Variants in DCX observed in about 807,000 individuals in gnomAD.
The protein encoded by DCX is doublecortin.
Under a neutral mutation model 20.9 loss-of-function variants are expected in DCX, and 4 were observed. That is an observed-to-expected ratio of 0.19 (90% CI 0.09 to 0.44). DCX has a LOEUF of 0.44. DCX is among the 20% of genes least tolerant of loss of function. The pLI is 0.99. For synonymous variants in DCX, 103 were observed against 111.4 expected, an observed-to-expected ratio of 0.92 and a Z score of 0.47; for missense variants, 133 against 296.9, an observed-to-expected ratio of 0.45 and a Z score of 4.06.
chrX:111,403,531 T>C (rs781363902), intron 2 of DCX, among the ~76,000 whole-genome samples: 4 of 111,011 alleles, frequency 3.6e-5, no homozygotes, highest in African/African-American at 1.3e-4. Flanking sequence ...CACCTTCCAG[T>C]GGTACATTTT....
chrX:111,393,352 C>A (rs189357711), intron 3 of DCX, among the ~76,000 whole-genome samples: 1 of 111,634 alleles, frequency 9.0e-6, no homozygotes, highest in African/African-American at 3.2e-5. Flanking sequence ...AGATTTAAAT[C>A]TAAGAGCTAA....
At chrX:111,379,780 T>C (rs1330441718) in intron 3 of DCX, among the ~76,000 whole-genome samples, 2 of 111,996 alleles carry the variant, frequency 1.8e-5, no homozygotes, top group East Asian at 5.6e-4. Context: ...ACAGACTGCT[T>C]CCAAAGTGGC....
At chrX:111,340,883 T>C (rs775685883) in intron 3 of DCX, among the ~76,000 whole-genome samples, 28 of 110,490 alleles carry the variant, frequency 2.5e-4, no homozygotes, top group Non-Finnish European at 4.5e-4. Flanking sequence ...CATGTAAAGG[T>C]CAGCAGCCTC....
At chrX:111,370,043 T>G (rs1048929881) in intron 3 of DCX, among the ~76,000 whole-genome samples, 13 of 111,525 alleles carry the variant, frequency 1.2e-4, no homozygotes, top group African/African-American at 4.2e-4. Context: ...ACCTGACTTT[T>G]GTGGAAAACT....
chrX:111,358,302 C>A (rs966684476), intron 3 of DCX, among the ~76,000 whole-genome samples: 9 of 112,076 alleles, frequency 8.0e-5, no homozygotes, highest in African/African-American at 2.9e-4. Flanking sequence ...TTTGAACTCT[C>A]ACTCAGAACA....
rs1306898167 is a variant in DCX, at chrX:111,298,987, G to A, written c.*2700C>T. 1 of 107,155 alleles carries A rather than the reference G, an allele frequency of 9.3e-6. No individual in the cohort carries two copies. Among genetic ancestry groups the A allele is most frequent in the Admixed American group, 9.9e-5 (1 of 10,078 alleles). The allele number at this position is 107,155 out of a possible 1,213,427, so 8.8% of individuals were successfully genotyped here. On this transcript the variant is annotated 3_prime_UTR_variant, in exon 7 of 7. Transcript: ENST00000636035. ...GTGTGTGTGTGTGTGTAAGAAGGAG[G>A]GAGAAGTATAGGGAGTGGTGGCAAA...
intron 3 of DCX, among the ~76,000 whole-genome samples, chrX:111,342,998 T>C (rs1569490742): frequency 9.1e-6 from 1 of 109,811 alleles, no homozygotes; most frequent in Non-Finnish European, 1.9e-5. Context: ...AACATCACAA[T>C]TAAAAGAGCT....
chrX:111,329,524 C>A (rs1182958495), intron 5 of DCX, among the ~76,000 whole-genome samples: 1 of 110,986 alleles, frequency 9.0e-6, no homozygotes, highest in Admixed American at 9.7e-5. Flanking sequence ...AATATTACCC[C>A]AAAGATATGA....
intron 3 of DCX, among the ~76,000 whole-genome samples, chrX:111,388,143 C>T (rs895880155): frequency 2.7e-5 from 3 of 111,775 alleles, no homozygotes; most frequent in Non-Finnish European, 5.7e-5. Context: ...TGCCTATGAT[C>T]AATAGGATTT....
intron 3 of DCX, among the ~76,000 whole-genome samples, chrX:111,346,525 G>C (rs2147664065): frequency 8.9e-6 from 1 of 112,155 alleles, no homozygotes; most frequent in South Asian, 3.7e-4. Context: ...TCAAAGACTG[G>C]ATTAGAAGTT....
Position 111,301,096 on chromosome X carries a change from C to G in DCX, c.*591G>C, listed in dbSNP as rs1412303377. 1.7e-5 allele frequency: 2 copies of G among 114,746 alleles called. No individual in the cohort carries two copies. Among genetic ancestry groups the G allele is most frequent in the Non-Finnish European group, 3.7e-5 (2 of 54,726 alleles). 9.5% of individuals were successfully genotyped at this position (114,746 alleles called of 1,213,427 possible). A position where few individuals can be genotyped will look rare whatever the true frequency, so the allele number is the denominator to read the frequency against. On this transcript the variant is annotated 3_prime_UTR_variant, in exon 7 of 7. Coordinates refer to ENST00000636035, the MANE Select transcript of DCX (RefSeq NM_001195553.2). ...CCAGGATCCTAAGCATCTGGTGTCA[C>G]AATTATAAGTTGTTGGTTTATTTCT...
Position 111,297,224 on chromosome X carries a change from G to A in DCX, c.*4463C>T, listed in dbSNP as rs750564142. 1.8e-5 allele frequency: 2 copies of A among 111,994 alleles called. No homozygotes were observed. Among genetic ancestry groups the A allele is most frequent in the South Asian group, 3.8e-4 (1 of 2,651 alleles). 9.2% of individuals were successfully genotyped at this position (111,994 alleles called of 1,213,427 possible). ...AAACTGGACAACCATAAAAGAAGTC[G>A]TTCAAACCACTGTCCCAGTGTTTCT... On this transcript the variant is annotated 3_prime_UTR_variant, in exon 7 of 7. Transcript: ENST00000636035.
At chrX:111,331,943 C>T (rs1052642187) in intron 4 of DCX, among the ~76,000 whole-genome samples, 1 of 112,829 alleles carries the variant, frequency 8.9e-6, no homozygotes, top group Non-Finnish European at 1.9e-5. Flanking sequence ...GTTTAGTGCT[C>T]TTTCTACTAC....
intron 3 of DCX, among the ~76,000 whole-genome samples, chrX:111,360,355 A>G (rs1183216971): frequency 1.8e-5 from 2 of 111,692 alleles, no homozygotes; most frequent in Non-Finnish European, 3.8e-5. Flanking sequence ...AAAGACAAAC[A>G]TTGCATCTTC....
chrX:111,339,341 G>C (rs1404081238), intron 3 of DCX, among the ~76,000 whole-genome samples: 1 of 111,210 alleles, frequency 9.0e-6, no homozygotes, highest in Non-Finnish European at 1.9e-5. Flanking sequence ...GGCTCTGGAT[G>C]AATGGGTTAA....
chrX:111,408,704 C>T (rs920034844), intron 2 of DCX, among the ~76,000 whole-genome samples: 3 of 104,837 alleles, frequency 2.9e-5, no homozygotes, highest in Non-Finnish European at 6.0e-5. Context: ...GGAAGGAAGT[C>T]GAACTTGAAC....
intron 3 of DCX, among the ~76,000 whole-genome samples, chrX:111,335,600 TC>T (rs1162774514): frequency 8.9e-6 from 1 of 112,555 alleles, no homozygotes; most frequent in Admixed American, 9.4e-5. Flanking sequence ...CAGAAACTAT[TC>T]TTCACGTAAC....
intron 5 of DCX, among the ~76,000 whole-genome samples, chrX:111,315,062 C>T (rs1222801822): frequency 9.2e-6 from 1 of 108,202 alleles, no homozygotes; most frequent in Non-Finnish European, 1.9e-5. Flanking sequence ...ATGGTAATGC[C>T]TAGGTTTTCT....
At chrX:111,358,098 G>A (rs1411644005) in intron 3 of DCX, among the ~76,000 whole-genome samples, 1 of 111,986 alleles carries the variant, frequency 8.9e-6, no homozygotes, top group Admixed American at 9.4e-5. Context: ...AAAGTGCTGG[G>A]ATTCCAGGTG....
Sources: gnomAD v4.1 joint callset for allele counts (sites outside exome capture counted in the v4.1 genomes callset) on GRCh38, gnomAD v4.1.1 for gene constraint, MANE v1.5 for transcripts, NCBI Gene and HGNC (gene_info 2026-07-23, HGNC 2026-07-21) for gene names.